Variants in WNK2 observed in about 807,000 individuals in gnomAD.
The protein encoded by WNK2 is serine/threonine-protein kinase WNK2.
WNK2 carries 67 observed loss-of-function variants against 192.1 expected under a neutral mutation model. The ratio of observed to expected loss-of-function variants is 0.35; its 90% CI spans 0.29 to 0.43. The LOEUF is 0.43. WNK2 is among the 20% of genes least tolerant of loss of function. The pLI is 1.00. For missense variants in WNK2, 2,698 were observed against 3,089.7 expected, an observed-to-expected ratio of 0.87 and a Z score of 3.01; for synonymous variants, 1,439 against 1,393.9, an observed-to-expected ratio of 1.03 and a Z score of -0.72.
At chr9:93,269,661 C>A (rs1274515691) in intron 19 of WNK2, among the ~76,000 whole-genome samples, 1 of 152,058 alleles carries the variant, frequency 6.6e-6, no homozygotes, top group Non-Finnish European at 1.5e-5. Flanking sequence ...ACATACACAC[C>A]CAATTATAAG....
chr9:93,254,071 C>A (rs533269044), intron 9 of WNK2, among the ~76,000 whole-genome samples: 1 of 152,300 alleles, frequency 6.6e-6, no homozygotes. Context: ...CACGCGCCAC[C>A]ACGCCCAGCT....
In WNK2 at chr9:93,257,321, C is replaced by T. The variant is rs1231862765; in HGVS notation, c.2382+182C>T. 3.9e-5 allele frequency among the ~76,000 whole-genome samples: 6 copies of T among 152,118 alleles called. No homozygotes were observed. Among genetic ancestry groups the T allele is most frequent in the Non-Finnish European group, 8.8e-5 (6 of 68,012 alleles). ...GCTGGGCAGTGTGCACAGTCATATGCACCAGGAACGCTCCAGGGTCCCACA... is the reference window on the plus strand; with the variant it reads ...GCTGGGCAGTGTGCACAGTCATATGTACCAGGAACGCTCCAGGGTCCCACA... On this transcript the variant is annotated intron_variant, in intron 11 of 29. Transcript: ENST00000427277. This position sits in a 1 kb window ranked among gnomAD's most constrained non-coding sequence, Gnocchi z 4.7.
intron 23 of WNK2, 108 bp from the exon 24 acceptor site, chr9:93,297,745 C>T (rs1384212253): frequency 1.7e-6 from 2 of 1,164,622 alleles, no homozygotes; most frequent in Admixed American, 4.4e-5. Flanking sequence ...AGGCAGGGTG[C>T]CCACCCTTCA....
chr9:93,284,318 G>A (rs550903816), intron 19 of WNK2, among the ~76,000 whole-genome samples: 1 of 152,164 alleles, frequency 6.6e-6, no homozygotes, highest in Non-Finnish European at 1.5e-5. Context: ...CAAAATAGTA[G>A]CAAATTAAAT....
chr9:93,210,229 A>G (rs1834257275), intron 2 of WNK2, among the ~76,000 whole-genome samples: 1 of 130,900 alleles, frequency 7.6e-6, no homozygotes, highest in Non-Finnish European at 1.6e-5. Context: ...TGCTCCTGAG[A>G]TTTGGGGAGG....
intron 5 of WNK2, among the ~76,000 whole-genome samples, chr9:93,236,388 C>T (rs1839821647): frequency 6.6e-6 from 1 of 152,182 alleles, no homozygotes; most frequent in South Asian, 2.1e-4. Flanking sequence ...GGTGGGCGTG[C>T]CCCCACCCTC....
chr9:93,305,812 G>C (rs1852415078), intron 26 of WNK2, among the ~76,000 whole-genome samples: 1 of 152,248 alleles, frequency 6.6e-6, no homozygotes, highest in South Asian at 2.1e-4. Context: ...TCCTGCTGCG[G>C]AGGGAGTGTG....
chr9:93,266,302 A>G (rs1465393786), intron 16 of WNK2, among the ~76,000 whole-genome samples: 1 of 152,218 alleles, frequency 6.6e-6, no homozygotes, highest in Non-Finnish European at 1.5e-5. Flanking sequence ...CATTCTGACC[A>G]TGACGACCTT....
chr9:93,251,922 A>T (rs1030121964), intron 8 of WNK2, among the ~76,000 whole-genome samples: 16 of 152,172 alleles, frequency 1.1e-4, no homozygotes, highest in Non-Finnish European at 5.9e-5. Context: ...CCTAGGTTAC[A>T]GTAGGTTCAG....
Position 93,301,761 on chromosome 9 carries a change from C to T in WNK2, c.6214+1612C>T, listed in dbSNP as rs542885512. Reference sequence around the variant, plus strand: ...GCGAGGGCACCTGGGAGACTCAGTGCAGGGTGTTAGTGTCAGGTATGGCGC... The same window carrying T: ...GCGAGGGCACCTGGGAGACTCAGTGTAGGGTGTTAGTGTCAGGTATGGCGC... On this transcript the variant is annotated intron_variant, in intron 26 of 29. Coordinates refer to ENST00000427277, the MANE Select transcript of WNK2 (RefSeq NM_006648.4). Among the ~76,000 whole-genome samples the T allele has an allele frequency of 1.2e-4, 18 of 152,338 alleles. No individual in the cohort carries two copies. The East Asian group carries it at 3.3e-3, about 28-fold the overall frequency.
intron 9 of WNK2, 113 bp from the exon 10 acceptor site, chr9:93,256,186 G>A: frequency 3.2e-6 from 4 of 1,258,164 alleles, no homozygotes; most frequent in Non-Finnish European, 4.1e-6. Flanking sequence ...CTGGGAAGAG[G>A]GACCCTGGTA....
rs535721257 is a variant in WNK2 at position 93,262,097 on chromosome 9, C to T, written c.3350C>T (p.Pro1117Leu). 6.3e-7 allele frequency: 1 copy of T among 1,598,098 alleles called. No homozygotes were observed. Among genetic ancestry groups the T allele is most frequent in the South Asian group, 1.1e-5 (1 of 89,374 alleles). The change falls in exon 13 of 30, where the codon CCA becomes CTA. Residue 1117 changes from proline (P) to leucine (L), a missense_variant. Pro to Leu is a moderately conservative substitution (Grantham distance 98). Coordinates refer to ENST00000427277, the MANE Select transcript of WNK2 (RefSeq NM_006648.4). ...CCAACTGTCCAGCTGACGGTGGAAC[C>T]AGTCCAAGAGGTGTGTGCCCCTCCC... The part of the protein sequence containing the change: ...PCPTVQLTVE[P>L]VQEEQASQDK...
chr9:93,318,111 TAC>T (rs1442548834), intron 29 of WNK2: 7 of 1,564,072 alleles, frequency 4.5e-6, no homozygotes, highest in Non-Finnish European at 5.2e-6. Flanking sequence ...CCTGCAGAAG[TAC>T]AGTGCCTTGA....
At chr9:93,268,831 C>A in intron 19 of WNK2, 85 bp downstream of exon 19, 1 of 1,578,010 alleles carries the variant, frequency 6.3e-7, no homozygotes, top group East Asian at 2.4e-5. Context: ...GTATGTGCCC[C>A]GTGCCCAGGT....
chr9:93,292,486 C>T lies in WNK2; in HGVS notation c.5026-5C>T, dbSNP rs753069150. The T allele has an allele frequency of 1.4e-5, 23 of 1,605,142 alleles. No homozygotes were observed. Among genetic ancestry groups the T allele is most frequent in the South Asian group, 1.1e-4 (10 of 89,962 alleles). ...AAACCTCTTCATCTCCGCTTGTTTCCCAAGGATGTACCTGCTTTTGTGAGA... is the reference window on the plus strand; with the variant it reads ...AAACCTCTTCATCTCCGCTTGTTTCTCAAGGATGTACCTGCTTTTGTGAGA... On this transcript the variant is annotated splice_polypyrimidine_tract_variant and splice_region_variant and intron_variant, in intron 22 of 29. Coordinates refer to ENST00000427277, the MANE Select transcript of WNK2 (RefSeq NM_006648.4).
At chr9:93,281,190 AT>A (rs1847678438) in intron 19 of WNK2, among the ~76,000 whole-genome samples, 1 of 152,226 alleles carries the variant, frequency 6.6e-6, no homozygotes, top group Admixed American at 6.5e-5. Flanking sequence ...AAACTTAGAT[AT>A]GTGCAACTTA....
chr9:93,297,761 T>C lies in WNK2; in HGVS notation c.5709-92T>C, dbSNP rs552312771. Reference sequence around the variant, plus strand: ...GGCAGGGTGCCCACCCTTCATCCCATGTTCTCCCACGCCACCTCCCTCCTG... The same window carrying C: ...GGCAGGGTGCCCACCCTTCATCCCACGTTCTCCCACGCCACCTCCCTCCTG... On this transcript the variant is annotated intron_variant, in intron 23 of 29. Coordinates refer to ENST00000427277, the MANE Select transcript of WNK2 (RefSeq NM_006648.4). 191 of 1,357,280 alleles carry C rather than the reference T, an allele frequency of 1.4e-4. No homozygotes were observed. In the African/African-American group the frequency reaches 2.4e-3, roughly 17 times the overall value. 84.1% of individuals were successfully genotyped at this position (1,357,280 alleles called of 1,614,324 possible).
intron 19 of WNK2, among the ~76,000 whole-genome samples, chr9:93,272,374 T>C (rs1222839465): frequency 6.6e-6 from 1 of 152,236 alleles, no homozygotes; most frequent in East Asian, 1.9e-4. Flanking sequence ...TTGGAATTCC[T>C]AGAGCAACCA....
In WNK2 at chr9:93,263,909, C is replaced by T. The variant is rs368088147; in HGVS notation, c.3580-8C>T. ...GCCCGTGGTGGGTGCTGATGCTGCC[C>T]CTTCCAGGTGTGCAACACTGGGGAC... On this transcript the variant is annotated splice_polypyrimidine_tract_variant and splice_region_variant and intron_variant, in intron 15 of 29. Transcript: ENST00000427277. 11 of 1,609,514 alleles carry T rather than the reference C, an allele frequency of 6.8e-6. No individual in the cohort carries two copies. Among genetic ancestry groups the T allele is most frequent in the African/African-American group, 6.7e-5 (5 of 74,686 alleles).
Sources: allele counts gnomAD v4.1 joint callset (sites outside exome capture counted in the v4.1 genomes callset), GRCh38; gene constraint gnomAD v4.1.1; non-coding constraint Gnocchi (gnomAD v3.1); transcripts MANE v1.5; gene names NCBI Gene and HGNC (gene_info 2026-07-23, HGNC 2026-07-21).